ST3GAL3: variants seen among roughly 807,000 people sequenced by gnomAD.
ST3GAL3 encodes the protein ST3 beta-galactoside alpha-2,3-sialyltransferase 3.
A neutral mutation model predicts 50.1 loss-of-function variants in ST3GAL3; 21 were observed. The ratio of observed to expected loss-of-function variants is 0.42; its 90% confidence interval spans 0.30 to 0.60. The LOEUF is 0.60. Among genes scored for constraint, ST3GAL3 ranks in the 20% least tolerant of loss-of-function variants. The probability of loss-of-function intolerance (pLI) is 0.19; values close to 1 mark genes in which losing one functional copy is unlikely to be tolerated. For synonymous variants in ST3GAL3, 183 were observed against 190.0 expected (o/e 0.96, Z 0.30); for missense variants, 353 against 489.4 (o/e 0.72, Z 2.63).
chr1:43,806,339 T>C (rs1279534281), intron 3 of ST3GAL3, among the ~76,000 whole-genome samples: 1 of 152,124 alleles, frequency 6.6e-6, no homozygotes, highest in Non-Finnish European at 1.5e-5. Flanking sequence ...ATAAAGGCTC[T>C]CAGGCATAAA....
intron 5 of ST3GAL3, among the ~76,000 whole-genome samples, chr1:43,880,200 A>G (rs1027151137): frequency 5.3e-5 from 8 of 152,210 alleles, no homozygotes; most frequent in Admixed American, 5.2e-4. Context: ...GGAACTGGGC[A>G]ATAACATTAG....
intron 4 of ST3GAL3, among the ~76,000 whole-genome samples, chr1:43,832,796 A>C (rs1367122586): frequency 6.6e-6 from 1 of 152,190 alleles, no homozygotes; most frequent in Non-Finnish European, 1.5e-5. Flanking sequence ...TCCTCATGTC[A>C]TTATCCCAGA....
At chr1:43,891,341 G>A (rs776649895) in intron 5 of ST3GAL3, among the ~76,000 whole-genome samples, 10 of 152,206 alleles carry the variant, frequency 6.6e-5, no homozygotes, top group Non-Finnish European at 1.0e-4. Context: ...AGGCCAAGGC[G>A]GGTGGATCAC....
At chr1:43,809,945 A>G (rs2060340132) in intron 3 of ST3GAL3, among the ~76,000 whole-genome samples, 1 of 147,952 alleles carries the variant, frequency 6.8e-6, no homozygotes, top group South Asian at 2.2e-4. Context: ...GTGAGCCGGG[A>G]TTGCACCACT....
At chr1:43,789,168 T>C (rs2057729646) in intron 2 of ST3GAL3, among the ~76,000 whole-genome samples, 1 of 152,206 alleles carries the variant, frequency 6.6e-6, no homozygotes, top group African/African-American at 2.4e-5. Context: ...CAATCTGTTA[T>C]GCTTTTTGGA....
chr1:43,855,706 T>C (rs1247651620), intron 5 of ST3GAL3, among the ~76,000 whole-genome samples: 2 of 151,962 alleles, frequency 1.3e-5, no homozygotes, highest in Non-Finnish European at 2.9e-5. Context: ...TTCTGAAGGA[T>C]TAAAATCTTG....
intron 5 of ST3GAL3, chr1:43,838,530 C>T: frequency 1.9e-6 from 1 of 530,700 alleles, no homozygotes; most frequent in Non-Finnish European, 3.5e-6. Context: ...CCTTGTGGCA[C>T]AGCCTGTTTC....
intron 6 of ST3GAL3, 24 bp downstream of exon 6, chr1:43,894,501 A>G (rs1361578510): frequency 6.9e-6 from 11 of 1,598,886 alleles, no homozygotes; most frequent in Non-Finnish European, 7.7e-6. Context: ...CCTGACCTAC[A>G]TTAACATCTC....
intron 5 of ST3GAL3, among the ~76,000 whole-genome samples, chr1:43,847,156 T>C (rs2066394501): frequency 6.6e-6 from 1 of 152,214 alleles, no homozygotes; most frequent in Non-Finnish European, 1.5e-5. Flanking sequence ...AAATAACAAG[T>C]GCTGGCAAGC....
At chr1:43,803,273 T>A (rs1316236894) in intron 3 of ST3GAL3, among the ~76,000 whole-genome samples, 1 of 151,560 alleles carries the variant, frequency 6.6e-6, no homozygotes, top group African/African-American at 2.4e-5. Context: ...CCGGGCACAG[T>A]GGTACGCACC....
At chr1:43,741,059 G>A (rs1680715653) in intron 2 of ST3GAL3, among the ~76,000 whole-genome samples, 1 of 152,160 alleles carries the variant, frequency 6.6e-6, no homozygotes, top group Non-Finnish European at 1.5e-5. Flanking sequence ...GGGTGAGGTG[G>A]CTCATGCCTA....
intron 5 of ST3GAL3, among the ~76,000 whole-genome samples, chr1:43,883,820 G>A (rs1356018347): frequency 1.3e-5 from 2 of 152,132 alleles, no homozygotes; most frequent in African/African-American, 4.8e-5. Context: ...CTTCTCTTCT[G>A]TGCCTTTGTC....
chr1:43,878,605 A>G lies in ST3GAL3; in HGVS notation c.303-15778A>G, dbSNP rs1166432584. 2.6e-5 allele frequency among the ~76,000 whole-genome samples: 4 copies of G among 152,336 alleles called. No homozygotes were observed. The East Asian group carries it at 7.7e-4, about 29-fold the overall frequency. ...GGAGTGTGGCTGGGGGACTGTGAAC[A>G]GAGGGAGAGTAGTAGGAGATGAGAC... is the stretch of plus-strand genomic sequence containing the variant. On this transcript the variant is annotated intron_variant, in intron 5 of 11. Transcript: ENST00000347631.
At chr1:43,717,600 T>G (rs1279262358) in intron 1 of ST3GAL3, among the ~76,000 whole-genome samples, 1 of 151,508 alleles carries the variant, frequency 6.6e-6, no homozygotes, top group Non-Finnish European at 1.5e-5. Context: ...TGGGCTCAAG[T>G]GATCCTCCCA....
intron 1 of ST3GAL3, among the ~76,000 whole-genome samples, chr1:43,708,769 C>T (rs1662927017): frequency 1.3e-5 from 2 of 152,144 alleles, no homozygotes. Context: ...AACTGTCTAA[C>T]CATGGTTTAA....
chr1:43,881,905 G>C (rs1171147549), intron 5 of ST3GAL3, among the ~76,000 whole-genome samples: 1 of 152,222 alleles, frequency 6.6e-6, no homozygotes, highest in South Asian at 2.1e-4. Context: ...TGCCACAGGT[G>C]AGCAGGAATT....
In ST3GAL3 at chr1:43,930,364, G is replaced by A; in HGVS notation, c.*143G>A. On this transcript the variant is annotated 3_prime_UTR_variant, in exon 12 of 12. Coordinates refer to ENST00000347631, the MANE Select transcript of ST3GAL3 (RefSeq NM_006279.5). ...AGGCCTTGGTGGAGCAGCCAGAGCT[G>A]TGCCTGCTCAGCAGCCAGTCTCAGA... 1.3e-6 allele frequency: 1 copy of A among 783,732 alleles called. No individual in the cohort carries two copies. The highest frequency in any genetic ancestry group is 1.4e-5 in the South Asian group (1 of 71,932). 48.5% of individuals were successfully genotyped at this position (783,732 alleles called of 1,614,324 possible). A position where few individuals can be genotyped will look rare whatever the true frequency, so the allele number is the denominator to read the frequency against.
chr1:43,758,802 G>A (rs1268170227), intron 2 of ST3GAL3, among the ~76,000 whole-genome samples: 3 of 152,060 alleles, frequency 2.0e-5, no homozygotes, highest in African/African-American at 7.2e-5. Context: ...TCAGGCAGGA[G>A]GATCATTTGA....
At chr1:43,834,750 T>C (rs1040640239) in intron 4 of ST3GAL3, among the ~76,000 whole-genome samples, 2 of 152,210 alleles carry the variant, frequency 1.3e-5, no homozygotes, top group African/African-American at 2.4e-5. Flanking sequence ...GCCACGCGTG[T>C]CACACAGCAT....
Sources: gnomAD v4.1 joint callset for allele counts (sites outside exome capture counted in the v4.1 genomes callset) on GRCh38, gnomAD v4.1.1 for gene constraint, MANE v1.5 for transcripts, NCBI Gene and HGNC (gene_info 2026-07-23, HGNC 2026-07-21) for gene names.